WRNIP1: variants seen among roughly 807,000 people sequenced by gnomAD.
The protein encoded by WRNIP1 is WRN helicase interacting protein 1, also known as ATPase WRNIP1.
A neutral mutation model predicts 56.1 loss-of-function variants in WRNIP1; 41 were observed. The ratio of observed to expected loss-of-function variants is 0.73; its 90% CI spans 0.57 to 0.95. The LOEUF is 0.95. Among genes scored for constraint, WRNIP1 ranks in the 40% least tolerant of loss-of-function variants. WRNIP1 has a pLI of 0.00. For synonymous variants in WRNIP1, 547 were observed against 398.1 expected (o/e 1.37, Z -4.45); for missense variants, 1,170 against 939.4 (o/e 1.25, Z -3.21).
Position 2,765,556 on chromosome 6 carries a change from T to A in WRNIP1, c.-67T>A. ...GCGGCGCGGGGCCTAGCGGAGGGCA[T>A]CGAAGGCCTCCGCGTGCGCACGGGT... On this transcript the variant is annotated 5_prime_UTR_variant, in exon 1 of 7. Transcript: ENST00000380773. 1 of 1,378,066 alleles carries A rather than the reference T, an allele frequency of 7.3e-7. No individual in the cohort carries two copies. The highest frequency in any genetic ancestry group is 9.3e-7 in the Non-Finnish European group (1 of 1,072,532). 85.4% of individuals were successfully genotyped at this position (1,378,066 alleles called of 1,614,324 possible).
At chr6:2,772,849 C>A in intron 3 of WRNIP1, 1 of 616,952 alleles carries the variant, frequency 1.6e-6, no homozygotes, top group Non-Finnish European at 2.0e-6. Context: ...GCTCTATATA[C>A]ATCCTTGTGC....
At position 2,765,845 on chromosome 6, in the gene WRNIP1, T is replaced by C; in HGVS notation, c.223T>C (p.Ser75Pro). ...GCCCGGCGCCAAGAGGCGGCGGCTG[T>C]CGGAGAGCTCGGCGCTGAAGCAGCC... ...SPPGAKRRRL[S>P]ESSALKQPAT... is the part of the protein sequence containing the mutation. Residue 75 changes from serine (S) to proline (P), a missense_variant, in exon 1 of 7, where the codon TCG (serine) becomes CCG (proline). By Grantham distance (74) the Ser-to-Pro change is moderately conservative (BLOSUM62 -1). Transcript: ENST00000380773. The C allele has an allele frequency of 7.1e-7, 1 of 1,401,594 alleles. No individual in the cohort carries two copies. Among genetic ancestry groups the C allele is most frequent in the Non-Finnish European group, 9.3e-7 (1 of 1,078,438 alleles). 86.8% of individuals were successfully genotyped at this position (1,401,594 alleles called of 1,614,324 possible). A position where few individuals can be genotyped will look rare whatever the true frequency, so the allele number is the denominator to read the frequency against.
intron 4 of WRNIP1, 40 bp from the exon 5 acceptor site, chr6:2,783,366 C>G (rs944493081): frequency 1.3e-6 from 2 of 1,509,310 alleles, no homozygotes; most frequent in African/African-American, 1.4e-5. Context: ...GGGCGCCCCT[C>G]CTGTGAGCTC....
intron 1 of WRNIP1, among the ~76,000 whole-genome samples, chr6:2,766,896 C>T (rs951303576): frequency 2.0e-5 from 3 of 152,010 alleles, no homozygotes; most frequent in African/African-American, 7.3e-5. Flanking sequence ...TTCTGTTGTG[C>T]TTCCTTCCTT....
At chr6:2,772,867 T>C (rs1765339336) in intron 3 of WRNIP1, 1 of 724,712 alleles carries the variant, frequency 1.4e-6, no homozygotes, top group African/African-American at 1.9e-5. Context: ...TGCATATAAA[T>C]CAGATTTGGT....
At position 2,783,500 on chromosome 6, in the gene WRNIP1, G is replaced by A. The variant is rs1228286767; in HGVS notation, c.1581G>A (p.Glu527=). The change falls in exon 5 of 7, where the codon GAG becomes GAA. Residue 527 remains glutamate, a synonymous_variant. Transcript: ENST00000380773. ...ASLYWLARML[E]GGEDPLYVAR... is the part of the protein sequence containing the mutation. The stretch of plus-strand genomic sequence containing the variant: ...TCTACTGGCTGGCTCGCATGCTCGA[G>A]GGAGGAGAGGACCCACTCTACGTGG... 6.2e-7 allele frequency: 1 copy of A among 1,613,924 alleles called. No individual in the cohort carries two copies. The highest frequency in any genetic ancestry group is 1.7e-5 in the Admixed American group (1 of 60,006).
rs778621838 is a variant in WRNIP1, at chr6:2,768,697, C to G, written c.829C>G (p.Leu277Val). Residue 277 changes from leucine (L) to valine (V), a missense_variant, in exon 2 of 7, where the codon CTG (leucine) becomes GTG (valine). Coordinates refer to ENST00000380773, the MANE Select transcript of WRNIP1 (RefSeq NM_020135.3). ...WGPPGCGKTT[L>V]AHIIASNSKK... is the part of the protein sequence containing the mutation. ...TGTATGTCATCTTTTCTAGACCACT[C>G]TGGCTCACATCATAGCCAGCAACAG... The G allele has an allele frequency of 2.5e-6, 4 of 1,608,226 alleles. No individual in the cohort carries two copies. Among genetic ancestry groups the G allele is most frequent in the Non-Finnish European group, 3.4e-6 (4 of 1,176,536 alleles).
At chr6:2,780,527 C>T (rs970906597) in intron 4 of WRNIP1, among the ~76,000 whole-genome samples, 30 of 152,194 alleles carry the variant, frequency 2.0e-4, no homozygotes, top group Non-Finnish European at 7.3e-5. Context: ...ATAAATAATC[C>T]TGTCTACATT....
At chr6:2,766,640 C>A (rs973704177) in intron 1 of WRNIP1, among the ~76,000 whole-genome samples, 196 bp downstream of exon 1, 3 of 152,120 alleles carry the variant, frequency 2.0e-5, no homozygotes, top group Non-Finnish European at 4.4e-5. Flanking sequence ...GGGCACACAC[C>A]CCCAGATTGG....
In WRNIP1 at chr6:2,770,200, C is replaced by T; in HGVS notation, c.1095C>T (p.Asn365=). ...CTGAAAACCCTTCCTTCCAGGTCAA[C>T]GCTGCTCTTCTGAGCCGCTGTCGAG... The part of the protein sequence containing the change: ...ATTENPSFQV[N]AALLSRCRVI... The change falls in exon 3 of 7, where the codon AAC becomes AAT. Residue 365 remains asparagine (N), a synonymous_variant. Coordinates refer to ENST00000380773, the MANE Select transcript of WRNIP1 (RefSeq NM_020135.3). The T allele has an allele frequency of 6.2e-7, 1 of 1,614,178 alleles. No individual in the cohort carries two copies.
rs201034943 is a variant in WRNIP1, at chr6:2,783,529, G to A, written c.1610G>A (p.Arg537Gln). 2.2e-5 allele frequency: 36 copies of A among 1,613,004 alleles called. No individual in the cohort carries two copies. Among genetic ancestry groups the A allele is most frequent in the African/African-American group, 9.4e-5 (7 of 74,840 alleles). ...EGGEDPLYVARRLVRFASEDI... is the reference protein window; with the variant it reads ...EGGEDPLYVAQRLVRFASEDI... ...GGAGAGGACCCACTCTACGTGGCAC[G>A]GAGGCTTGTCAGGTTTGCCAGCGAG... is the stretch of plus-strand genomic sequence containing the variant. Residue 537 changes from arginine (R) to glutamine (Q), a missense_variant, in exon 5 of 7, where the codon CGG (arginine) becomes CAG (glutamine). Physicochemically the swap from Arg to Gln is conservative, Grantham distance 43. Transcript: ENST00000380773.
In WRNIP1 at chr6:2,765,462, G is replaced by A. The variant is rs769207729; in HGVS notation, c.-161G>A. The A allele has an allele frequency of 1.3e-3, 1,142 of 878,132 alleles. 4 individuals are homozygous for A. The highest frequency in any genetic ancestry group is 1.6e-3 in the Non-Finnish European group (1,086 of 671,914). The allele number at this position is 878,132 out of a possible 1,614,324, so 54.4% of individuals were successfully genotyped here. A position where few individuals can be genotyped will look rare whatever the true frequency, so the allele number is the denominator to read the frequency against. ...AGGGCGGGCGGACGCGGGAGCTGCG[G>A]ACGTGAGGCATGAGCGGCGCCCTCC... On this transcript the variant is annotated 5_prime_UTR_variant, in exon 1 of 7. Transcript: ENST00000380773.
intron 4 of WRNIP1, among the ~76,000 whole-genome samples, chr6:2,782,829 T>C (rs1765595100): frequency 6.6e-6 from 1 of 152,208 alleles, no homozygotes; most frequent in South Asian, 2.1e-4. Context: ...GGAAGCTGGT[T>C]AGTCCACGTG....
In WRNIP1 at chr6:2,766,072, G is replaced by A. The variant is rs898026655; in HGVS notation, c.450G>A (p.Gly150=). 5 of 1,296,926 alleles carry A rather than the reference G, an allele frequency of 3.9e-6. No individual in the cohort carries two copies. The highest frequency in any genetic ancestry group is 1.5e-5 in the African/African-American group (1 of 64,534). The allele number at this position is 1,296,926 out of a possible 1,614,324, so 80.3% of individuals were successfully genotyped here. The change falls in exon 1 of 7, where the codon GGG becomes GGA. Residue 150 remains glycine (G), a synonymous_variant. Transcript: ENST00000380773. ...GGCCGGCGGCCGCCGCCGCGGCGGGGAGCGCGTCTCCGCGCAGCTGGGACG... is the reference window on the plus strand; with the variant it reads ...GGCCGGCGGCCGCCGCCGCGGCGGGAAGCGCGTCTCCGCGCAGCTGGGACG... ...GKRPAAAAAA[G]SASPRSWDEA...
chr6:2,783,451 G>C lies in WRNIP1; in HGVS notation c.1532G>C (p.Arg511Pro). The C allele has an allele frequency of 1.2e-6, 2 of 1,613,340 alleles. No individual in the cohort carries two copies. The highest frequency in any genetic ancestry group is 1.7e-6 in the Non-Finnish European group (2 of 1,179,616). Residue 511 changes from arginine to proline, a missense_variant, in exon 5 of 7, where the codon CGG becomes CCG. Arg to Pro is a moderately radical substitution (Grantham distance 103, BLOSUM62 -2). Coordinates refer to ENST00000380773, the MANE Select transcript of WRNIP1 (RefSeq NM_020135.3). ...ATCTCCGCCCTGCACAAGTCCATGC[G>C]GGGCTCAGACCAGAACGCCTCCCTC... ...NCISALHKSM[R>P]GSDQNASLYW...
At chr6:2,767,434 T>C (rs539147355) in intron 1 of WRNIP1, among the ~76,000 whole-genome samples, 23 of 152,258 alleles carry the variant, frequency 1.5e-4, no homozygotes, top group African/African-American at 5.3e-4. Flanking sequence ...TTTTTCTTTC[T>C]AGCTTTATCT....
At chr6:2,784,923 C>A in intron 6 of WRNIP1, 84 bp from the exon 7 acceptor site, 1 of 1,530,362 alleles carries the variant, frequency 6.5e-7, no homozygotes, top group Non-Finnish European at 8.9e-7. Context: ...CTCAGAATTA[C>A]CTAGAGCTGT....
intron 3 of WRNIP1, among the ~76,000 whole-genome samples, chr6:2,771,625 G>C (rs1765279723): frequency 6.6e-6 from 1 of 152,176 alleles, no homozygotes; most frequent in African/African-American, 2.4e-5. Context: ...TGCTGTGAAA[G>C]GAAATGCTTA....
At chr6:2,775,856 A>T (rs1220314613) in intron 3 of WRNIP1, among the ~76,000 whole-genome samples, 1 of 152,218 alleles carries the variant, frequency 6.6e-6, no homozygotes, top group Non-Finnish European at 1.5e-5. Flanking sequence ...GTGTTTTATT[A>T]TAACAACATA....
Sources: allele counts gnomAD v4.1 joint callset (sites outside exome capture counted in the v4.1 genomes callset), GRCh38; gene constraint gnomAD v4.1.1; transcripts MANE v1.5; gene names NCBI Gene and HGNC (gene_info 2026-07-23, HGNC 2026-07-21).